PPFIA2: variants seen among roughly 807,000 people sequenced by gnomAD.
The protein encoded by PPFIA2 is PPFI scaffold protein A2.
PPFIA2 carries 46 observed loss-of-function variants against 175.5 expected under a neutral mutation model. The observed-to-expected ratio is 0.26, with a 90% confidence interval of 0.21 to 0.34. PPFIA2 has a LOEUF of 0.34. PPFIA2 is among the 10% of genes least tolerant of loss of function. The pLI, the probability that PPFIA2 is intolerant of heterozygous loss-of-function variation, is 1.00. For synonymous variants in PPFIA2, 568 were observed against 511.4 expected (o/e 1.11, Z -1.49); for missense variants, 1,179 against 1,506.1 (o/e 0.78, Z 3.60).
intron 3 of PPFIA2, among the ~76,000 whole-genome samples, chr12:81,752,834 C>T (rs2084029215): frequency 6.6e-6 from 1 of 152,164 alleles, no homozygotes; most frequent in Admixed American, 6.5e-5. Context: ...GGCCAATCAA[C>T]CTTGTATTTA....
chr12:81,538,962 A>G (rs2065815335), intron 4 of PPFIA2, among the ~76,000 whole-genome samples: 1 of 151,956 alleles, frequency 6.6e-6, no homozygotes, highest in Non-Finnish European at 1.5e-5. Flanking sequence ...ATGTAGTTAG[A>G]GGACTATTGT....
intron 4 of PPFIA2, among the ~76,000 whole-genome samples, chr12:81,638,951 T>A (rs1046743254): frequency 2.0e-5 from 3 of 152,002 alleles, no homozygotes; most frequent in Admixed American, 2.0e-4. Flanking sequence ...CCTCCCAAAG[T>A]GCTGGGATTA....
intron 4 of PPFIA2, among the ~76,000 whole-genome samples, chr12:81,472,192 C>T (rs1305581833): frequency 6.6e-6 from 1 of 152,046 alleles, no homozygotes; most frequent in African/African-American, 2.4e-5. Flanking sequence ...TTACCTAGGG[C>T]TAGGGGAGTT....
chr12:81,311,135 T>C (rs1481162152), intron 22 of PPFIA2, among the ~76,000 whole-genome samples: 1 of 152,232 alleles, frequency 6.6e-6, no homozygotes, highest in Non-Finnish European at 1.5e-5. Context: ...TATTTTACTT[T>C]TTTACTTTGA....
At chr12:81,422,106 ATATATGTGTATATATATGTGTG>A (rs1382799212) in intron 7 of PPFIA2, among the ~76,000 whole-genome samples, 11 of 146,276 alleles carry the variant, frequency 7.5e-5, no homozygotes, top group African/African-American at 1.8e-4. Context: ...ATGTGTGTAT[ATATATGTGTATATATATGTGTG>A]TATATATATG....
At chr12:81,662,670 A>C (rs1324643158) in intron 4 of PPFIA2, among the ~76,000 whole-genome samples, 1 of 152,214 alleles carries the variant, frequency 6.6e-6, no homozygotes. Flanking sequence ...CAATCAATTG[A>C]AAAAGAAGTA....
Position 81,322,366 on chromosome 12 carries a change from T to A in PPFIA2, c.2642+3411A>T, listed in dbSNP as rs984533011. On this transcript the variant is annotated intron_variant, in intron 22 of 32. Coordinates refer to ENST00000549396, the MANE Select transcript of PPFIA2 (RefSeq NM_003625.5). ...TTCAAAGAAATCCAACAGAGAGTGA[T>A]GGATAAGATCTCAGAGAGTCATGGC... Among the ~76,000 whole-genome samples, 3 of 152,226 alleles carry A rather than the reference T, an allele frequency of 2.0e-5. No homozygotes were observed. In the East Asian group the frequency reaches 5.8e-4, roughly 29 times the overall value.
intron 4 of PPFIA2, among the ~76,000 whole-genome samples, chr12:81,659,943 G>T (rs550065059): frequency 6.6e-6 from 1 of 152,288 alleles, no homozygotes; most frequent in South Asian, 2.1e-4. Flanking sequence ...AAACAGGGTT[G>T]GAGGGAACTC....
At chr12:81,639,259 T>G (rs1207173598) in intron 4 of PPFIA2, among the ~76,000 whole-genome samples, 1 of 151,994 alleles carries the variant, frequency 6.6e-6, no homozygotes, top group East Asian at 1.9e-4. Flanking sequence ...TAGCATCAAT[T>G]TCCCCCTGCT....
chr12:81,393,574 C>T (rs2040550056), intron 8 of PPFIA2, among the ~76,000 whole-genome samples: 1 of 151,966 alleles, frequency 6.6e-6, no homozygotes, highest in Non-Finnish European at 1.5e-5. Context: ...TGACATAAAC[C>T]AGGAAACTTC....
intron 7 of PPFIA2, among the ~76,000 whole-genome samples, chr12:81,429,279 C>T (rs1477150231): frequency 1.3e-5 from 2 of 151,964 alleles, no homozygotes; most frequent in Admixed American, 1.3e-4. Flanking sequence ...GAGTAATTTG[C>T]AAAGGCCCCT....
chr12:81,453,150 C>T (rs1301017641), intron 5 of PPFIA2, among the ~76,000 whole-genome samples: 5 of 113,642 alleles, frequency 4.4e-5, no homozygotes, highest in Non-Finnish European at 6.9e-5. Flanking sequence ...CCCCCCTCCC[C>T]CCACCCCACC....
chr12:81,709,705 T>C (rs1242267001), intron 3 of PPFIA2, among the ~76,000 whole-genome samples: 4 of 152,114 alleles, frequency 2.6e-5, no homozygotes, highest in African/African-American at 9.7e-5. Flanking sequence ...TGTTCCACCA[T>C]TTCAGTACAC....
rs1367344619 is a variant in PPFIA2 at position 81,281,448 on chromosome 12, A to G, written c.3021T>C (p.Cys1007=). ...KESEEGSWAQ[C]PVFLQTLAYG... is the part of the protein sequence containing the mutation. ...AAGCCAGGGTCTGTAGAAAAACCGG[A>G]CACTAGAATTGTTTTATAGCAGTCA... Residue 1007 remains cysteine (C), a splice_region_variant and synonymous_variant, in exon 27 of 33, where the codon TGT becomes TGC. Transcript: ENST00000549396. The G allele has an allele frequency of 4.4e-6, 7 of 1,595,784 alleles. No homozygotes were observed. Among genetic ancestry groups the G allele is most frequent in the Non-Finnish European group, 6.0e-6 (7 of 1,167,930 alleles).
At chr12:81,644,940 A>C (rs955578474) in intron 4 of PPFIA2, among the ~76,000 whole-genome samples, 1 of 13,534 alleles carries the variant, frequency 7.4e-5, no homozygotes, top group Non-Finnish European at 1.2e-4. Context: ...AGGTTTTAAA[A>C]GTTCAGAAAA....
chr12:81,656,296 C>A (rs376395526), intron 4 of PPFIA2, among the ~76,000 whole-genome samples: 1 of 152,018 alleles, frequency 6.6e-6, no homozygotes, highest in East Asian at 1.9e-4. Flanking sequence ...ATATTTAATG[C>A]AATTTCTTAC....
chr12:81,750,414 G>A (rs1173140611), intron 3 of PPFIA2, among the ~76,000 whole-genome samples: 2 of 143,284 alleles, frequency 1.4e-5, no homozygotes, highest in African/African-American at 4.9e-5. Context: ...TGAATTTAGA[G>A]AAGGAAGAAA....
At chr12:81,707,345 T>C (rs1337356657) in intron 3 of PPFIA2, among the ~76,000 whole-genome samples, 1 of 151,606 alleles carries the variant, frequency 6.6e-6, no homozygotes, top group Non-Finnish European at 1.5e-5. Flanking sequence ...AACAACCCCA[T>C]CAAAAAGTGG....
At chr12:81,705,798 T>C (rs535337316) in intron 3 of PPFIA2, among the ~76,000 whole-genome samples, 5 of 152,308 alleles carry the variant, frequency 3.3e-5, no homozygotes, top group Admixed American at 2.6e-4. Flanking sequence ...GTAGTAATCA[T>C]TTTTACTGAA....
Sources: gnomAD v4.1 joint callset for allele counts (sites outside exome capture counted in the v4.1 genomes callset) on GRCh38, gnomAD v4.1.1 for gene constraint, MANE v1.5 for transcripts, NCBI Gene and HGNC (gene_info 2026-07-23, HGNC 2026-07-21) for gene names.